Variants in KCNQ1OT1 observed in about 807,000 individuals in gnomAD.
KCNQ1OT1 encodes the protein KCNQ1 antisense RNA 2 (non-protein coding).
In KCNQ1OT1 at chr11:2,653,385, ACT is replaced by A. The variant is rs1849787618; in HGVS notation, n.46608_46609del. 4.5e-5 allele frequency: 18 copies of A among 398,460 alleles called. No individual in the cohort carries two copies. In the South Asian group the frequency reaches 2.0e-3, roughly 45 times the overall value. 24.7% of individuals were successfully genotyped at this position (398,460 alleles called of 1,614,324 possible). A position where few individuals can be genotyped will look rare whatever the true frequency, so the allele number is the denominator to read the frequency against. The stretch of plus-strand genomic sequence containing the variant: ...AACTTTGTCATGCACATTCCTGAAG[ACT>A]CTCTTGGTAACAAATGATGGAACCC... On this transcript the variant is annotated non_coding_transcript_exon_variant, in exon 1 of 1. Coordinates refer to ENST00000597346, the Ensembl canonical transcript of KCNQ1OT1. This position sits in a 1 kb window ranked among gnomAD's most constrained non-coding sequence, Gnocchi z 5.3.
rs1337954012 is a variant in KCNQ1OT1, at chr11:2,659,521, C to T, written n.40474G>A. 1 of 398,432 alleles carries T rather than the reference C, an allele frequency of 2.5e-6. No homozygotes were observed. The highest frequency in any genetic ancestry group is 4.4e-6 in the Non-Finnish European group (1 of 226,046). 24.7% of individuals were successfully genotyped at this position (398,432 alleles called of 1,614,324 possible). ...GCATTCACCTGTTGAAGGACATCTT[C>T]ATTGTTTCCAGTATTTGGTAATTAT... On this transcript the variant is annotated non_coding_transcript_exon_variant, in exon 1 of 1. Transcript: ENST00000597346. The surrounding 1 kb of genome is among the most constrained non-coding windows in gnomAD (Gnocchi z 4.3).
exon 1 of KCNQ1OT1, chr11:2,650,456 C>A (rs1042581704): frequency 1.3e-5 from 5 of 398,376 alleles, no homozygotes; most frequent in African/African-American, 8.2e-5. Context: ...GGGTAGGGTG[C>A]TTTGGCTTTG....
At chr11:2,636,396 G>C (rs1469428893) in exon 1 of KCNQ1OT1, 1 of 151,944 alleles carries the variant, frequency 6.6e-6, no homozygotes, top group Non-Finnish European at 1.5e-5. Flanking sequence ...TAGCATGAAG[G>C]GCTGTTGAAT....
chr11:2,616,136 A>C lies in KCNQ1OT1; in HGVS notation n.83859T>G. The C allele has an allele frequency of 2.5e-6, 1 of 397,778 alleles. No individual in the cohort carries two copies. Among genetic ancestry groups the C allele is most frequent in the Non-Finnish European group, 4.4e-6 (1 of 225,704 alleles). The allele number at this position is 397,778 out of a possible 1,614,324, so 24.6% of individuals were successfully genotyped here. ...TAGGTTATATAATTTGTTGGTATAC[A>C]GTTATTCATAGTATTCTTTTATCAC... On this transcript the variant is annotated non_coding_transcript_exon_variant, in exon 1 of 1. Coordinates refer to ENST00000597346, the Ensembl canonical transcript of KCNQ1OT1.
chr11:2,625,090 G>A (rs4930002), exon 1 of KCNQ1OT1: 389,945 of 398,650 alleles, frequency 0.98, 190,767 homozygotes, highest in East Asian at 1. Context: ...CCTTCTGGGT[G>A]TATACACAGA....
chr11:2,630,974 G>C (rs1849343103), exon 1 of KCNQ1OT1: 5 of 398,404 alleles, frequency 1.3e-5, no homozygotes, highest in Non-Finnish European at 2.2e-5. Flanking sequence ...TCCTGCAGAT[G>C]TAAGAACTTT....
chr11:2,663,846 C>T lies in KCNQ1OT1; in HGVS notation n.36149G>A, dbSNP rs1254744698. 2.5e-6 allele frequency: 1 copy of T among 398,464 alleles called. No homozygotes were observed. The highest frequency in any genetic ancestry group is 4.4e-6 in the Non-Finnish European group (1 of 226,084). 24.7% of individuals were successfully genotyped at this position (398,464 alleles called of 1,614,324 possible). Reference sequence around the variant, plus strand: ...TGCTGGTATCAGCACATGCCAAGCTCCCTGGAGCCAGAGGTTACCCACCTG... The same window carrying T: ...TGCTGGTATCAGCACATGCCAAGCTTCCTGGAGCCAGAGGTTACCCACCTG... On this transcript the variant is annotated non_coding_transcript_exon_variant, in exon 1 of 1. Coordinates refer to ENST00000597346, the Ensembl canonical transcript of KCNQ1OT1. This position sits in a 1 kb window ranked among gnomAD's most constrained non-coding sequence, Gnocchi z 5.2.
rs1590014905 is a variant in KCNQ1OT1, at chr11:2,661,950, T to C, written n.38045A>G. 2 of 1,614,142 alleles carry C rather than the reference T, an allele frequency of 1.2e-6. No individual in the cohort carries two copies. The highest frequency in any genetic ancestry group is 4.5e-5 in the East Asian group (2 of 44,880). On this transcript the variant is annotated non_coding_transcript_exon_variant, in exon 1 of 1. Coordinates refer to ENST00000597346, the Ensembl canonical transcript of KCNQ1OT1. This position sits in a 1 kb window ranked among gnomAD's most constrained non-coding sequence, Gnocchi z 5.9. Reference sequence around the variant, plus strand: ...GAGGCCTAACGTGCTGTCCCCACACTTTCTCCTCAGTAAGGAAGAGCCCAA... The same window carrying C: ...GAGGCCTAACGTGCTGTCCCCACACCTTCTCCTCAGTAAGGAAGAGCCCAA...
At chr11:2,686,766 T>A (rs1850496550) in exon 1 of KCNQ1OT1, 1 of 398,536 alleles carries the variant, frequency 2.5e-6, no homozygotes, top group African/African-American at 2.1e-5. Flanking sequence ...TAAATGTGCA[T>A]CCCCTGTGAT....
At position 2,674,381 on chromosome 11, in the gene KCNQ1OT1, G is replaced by A. The variant is rs559776042; in HGVS notation, n.25614C>T. ...GGCAAAGAGCAGCTTCCTGCTTAGG[G>A]AAGGTGCATGCGTGCGTGTGTGTGT... is the stretch of plus-strand genomic sequence containing the variant. On this transcript the variant is annotated non_coding_transcript_exon_variant, in exon 1 of 1. Coordinates refer to ENST00000597346, the Ensembl canonical transcript of KCNQ1OT1. The surrounding 1 kb of genome is among the most constrained non-coding windows in gnomAD (Gnocchi z 5.9). The A allele has an allele frequency of 3.3e-5, 11 of 338,392 alleles. No homozygotes were observed. Among genetic ancestry groups the A allele is most frequent in the African/African-American group, 2.2e-4 (10 of 46,308 alleles). The allele number at this position is 338,392 out of a possible 1,614,324, so 21.0% of individuals were successfully genotyped here.
Position 2,663,713 on chromosome 11 carries a change from T to C in KCNQ1OT1, n.36282A>G. ...CCAGGCCTTACCAACTCTTGGGTCT[T>C]GCAAGGCCCCTGCAGGTGAAGGTGG... is the stretch of plus-strand genomic sequence containing the variant. On this transcript the variant is annotated non_coding_transcript_exon_variant, in exon 1 of 1. Transcript: ENST00000597346. This position sits in a 1 kb window ranked among gnomAD's most constrained non-coding sequence, Gnocchi z 5.2. The C allele has an allele frequency of 5.0e-6, 2 of 398,712 alleles. No individual in the cohort carries two copies. Among genetic ancestry groups the C allele is most frequent in the Non-Finnish European group, 4.4e-6 (1 of 226,104 alleles). 24.7% of individuals were successfully genotyped at this position (398,712 alleles called of 1,614,324 possible). A position where few individuals can be genotyped will look rare whatever the true frequency, so the allele number is the denominator to read the frequency against.
Position 2,651,511 on chromosome 11 carries a change from G to C in KCNQ1OT1, n.48484C>G, listed in dbSNP as rs1157164504. 2.5e-6 allele frequency: 1 copy of C among 398,574 alleles called. No homozygotes were observed. The highest frequency in any genetic ancestry group is 4.4e-6 in the Non-Finnish European group (1 of 226,120). The allele number at this position is 398,574 out of a possible 1,614,324, so 24.7% of individuals were successfully genotyped here. On this transcript the variant is annotated non_coding_transcript_exon_variant, in exon 1 of 1. Coordinates refer to ENST00000597346, the Ensembl canonical transcript of KCNQ1OT1. This position sits in a 1 kb window ranked among gnomAD's most constrained non-coding sequence, Gnocchi z 6.1. ...TTAAGAAGCTGTCAGTGTGAAGAAC[G>C]TGAATGCTAAGGGCATATGAGTGTG...
At position 2,654,168 on chromosome 11, in the gene KCNQ1OT1, G is replaced by C; in HGVS notation, n.45827C>G. 2.5e-6 allele frequency: 1 copy of C among 398,820 alleles called. No individual in the cohort carries two copies. The highest frequency in any genetic ancestry group is 4.4e-6 in the Non-Finnish European group (1 of 226,218). The allele number at this position is 398,820 out of a possible 1,614,324, so 24.7% of individuals were successfully genotyped here. ...GTCTATGAGCCGGGCATGGGCAGCT[G>C]GCACAGGCTGTGGGGCTGCGGCTCA... On this transcript the variant is annotated non_coding_transcript_exon_variant, in exon 1 of 1. Transcript: ENST00000597346. The surrounding 1 kb of genome is among the most constrained non-coding windows in gnomAD (Gnocchi z 6.4).
chr11:2,662,408 G>C, exon 1 of KCNQ1OT1: 1 of 475,264 alleles, frequency 2.1e-6, no homozygotes, highest in Non-Finnish European at 3.7e-6. Context: ...AAAAAGAGAC[G>C]ACTTTGTTTT....
Position 2,679,672 on chromosome 11 carries a change from T to C in KCNQ1OT1, n.20323A>G, listed in dbSNP as rs1275140390. 3 of 398,422 alleles carry C rather than the reference T, an allele frequency of 7.5e-6. No individual in the cohort carries two copies. The highest frequency in any genetic ancestry group is 7.1e-5 in the East Asian group (2 of 28,080). The allele number at this position is 398,422 out of a possible 1,614,324, so 24.7% of individuals were successfully genotyped here. ...TCCTCATAAGATTATTTAGGATGCA[T>C]AGGATCCCAGATTAGATTTTTTTTA... On this transcript the variant is annotated non_coding_transcript_exon_variant, in exon 1 of 1. Transcript: ENST00000597346. The surrounding 1 kb of genome is among the most constrained non-coding windows in gnomAD (Gnocchi z 4.8).
At chr11:2,693,147 A>C (rs772572769) in exon 1 of KCNQ1OT1, 100 of 398,468 alleles carry the variant, frequency 2.5e-4, no homozygotes, top group Admixed American at 4.0e-4. Context: ...GATAGCCCTC[A>C]GTCTACACTC....
chr11:2,640,859 A>G (rs531490868), exon 1 of KCNQ1OT1: 1 of 399,514 alleles, frequency 2.5e-6, no homozygotes, highest in Non-Finnish European at 4.4e-6. Flanking sequence ...TTTGGTATCT[A>G]TCCTTCTACT....
chr11:2,672,822 C>T lies in KCNQ1OT1; in HGVS notation n.27173G>A, dbSNP rs148432695. The T allele has an allele frequency of 3.6e-4, 144 of 398,830 alleles. No homozygotes were observed. In the East Asian group the frequency reaches 5.1e-3, roughly 14 times the overall value. 24.7% of individuals were successfully genotyped at this position (398,830 alleles called of 1,614,324 possible). A position where few individuals can be genotyped will look rare whatever the true frequency, so the allele number is the denominator to read the frequency against. On this transcript the variant is annotated non_coding_transcript_exon_variant, in exon 1 of 1. Coordinates refer to ENST00000597346, the Ensembl canonical transcript of KCNQ1OT1. ...CTTCAGAAGGGCTGGACCAAGTGACCCCAACTCTGGGTTCTGCCTGGGCAT... is the reference window on the plus strand; with the variant it reads ...CTTCAGAAGGGCTGGACCAAGTGACTCCAACTCTGGGTTCTGCCTGGGCAT...
chr11:2,672,308 G>T, exon 1 of KCNQ1OT1: 1 of 398,548 alleles, frequency 2.5e-6, no homozygotes, highest in Non-Finnish European at 4.4e-6. Context: ...GCTCCAGGTG[G>T]GAGCTCAAGG....
Sources: gnomAD v4.1 joint callset for allele counts on GRCh38, gnomAD v4.1.1 for gene constraint, Gnocchi (gnomAD v3.1) non-coding constraint, MANE v1.5 for transcripts, NCBI Gene and HGNC (gene_info 2026-07-23, HGNC 2026-07-21) for gene names.